Variants in NLRP3 observed in about 807,000 individuals in gnomAD.
NLRP3 encodes the protein NLR family pyrin domain containing 3, also known as NACHT, LRR and PYD domains-containing protein 3.
In NLRP3, 48 loss-of-function variants were observed where a neutral mutation model predicts 91.3. The observed-to-expected ratio is 0.53, with a 90% CI of 0.42 to 0.67. The LOEUF (loss-of-function observed/expected upper bound fraction) is 0.67. Among genes scored for constraint, NLRP3 ranks in the 30% least tolerant of loss-of-function variants. NLRP3 has a pLI of 0.00. For missense variants in NLRP3, 982 were observed against 1,276.9 expected (o/e 0.77, Z 3.52); for synonymous variants, 561 against 507.9 (o/e 1.10, Z -1.41).
chr1:247,447,942 T>C (rs751309832), intron 9 of NLRP3, among the ~76,000 whole-genome samples: 1 of 152,160 alleles, frequency 6.6e-6, no homozygotes, highest in Non-Finnish European at 1.5e-5. Flanking sequence ...TCTATACTTT[T>C]ATGTATGCTT....
chr1:247,429,437 T>C lies in NLRP3; in HGVS notation c.2151-148T>C, dbSNP rs1663147520. 9.5e-6 allele frequency: 8 copies of C among 844,756 alleles called. No homozygotes were observed. The South Asian group carries it at 1.1e-4, about 11-fold the overall frequency. The allele number at this position is 844,756 out of a possible 1,614,324, so 52.3% of individuals were successfully genotyped here. On this transcript the variant is annotated intron_variant, in intron 4 of 9. Transcript: ENST00000336119. ...AGGCTCATCCAGCCCTCTTCATTTC[T>C]CTGGGAACAATTTTTGGTTTCGTGA... is the stretch of plus-strand genomic sequence containing the variant.
At chr1:247,447,249 C>A (rs1664640166) in intron 9 of NLRP3, among the ~76,000 whole-genome samples, 1 of 152,086 alleles carries the variant, frequency 6.6e-6, no homozygotes, top group Admixed American at 6.6e-5. Context: ...AGATGGCTAC[C>A]TTCTTGTTAT....
chr1:247,429,545 G>A (rs760971467), intron 4 of NLRP3, 40 bp from the exon 5 acceptor site: 1 of 1,609,824 alleles, frequency 6.2e-7, no homozygotes, highest in Non-Finnish European at 8.5e-7. Context: ...TATTATTCGA[G>A]GCTGATTTCT....
chr1:247,422,828 A>G (rs552668026), intron 2 of NLRP3, among the ~76,000 whole-genome samples: 1 of 152,292 alleles, frequency 6.6e-6, no homozygotes, highest in African/African-American at 2.4e-5. Context: ...GGGAAGGGTG[A>G]CCTTTCTTAG....
intron 4 of NLRP3, 65 bp from the exon 5 acceptor site, chr1:247,429,520 C>A: frequency 6.3e-7 from 1 of 1,584,088 alleles, no homozygotes; most frequent in African/African-American, 1.3e-5. Flanking sequence ...ACCCCGGCCC[C>A]CAGCTCCAGT....
At chr1:247,428,765 A>G (rs1663091940) in intron 4 of NLRP3, among the ~76,000 whole-genome samples, 1 of 152,122 alleles carries the variant, frequency 6.6e-6, no homozygotes, top group African/African-American at 2.4e-5. Flanking sequence ...GGCTGCAGTG[A>G]GCTATGATCA....
intron 9 of NLRP3, 29 bp downstream of exon 9, chr1:247,444,850 G>C (rs752960682): frequency 6.2e-7 from 1 of 1,610,962 alleles, no homozygotes; most frequent in Non-Finnish European, 8.5e-7. Context: ...GATGCCCGTG[G>C]TGGGACTCTG....
chr1:247,445,204 A>AT (rs1395240709), intron 9 of NLRP3, among the ~76,000 whole-genome samples: 4 of 149,828 alleles, frequency 2.7e-5, no homozygotes, highest in South Asian at 4.3e-4. Flanking sequence ...CTGAGGATTT[A>AT]TTTTTTTTTT....
chr1:247,439,860 T>C (rs575321687), intron 7 of NLRP3, among the ~76,000 whole-genome samples: 1 of 152,382 alleles, frequency 6.6e-6, no homozygotes, highest in East Asian at 1.9e-4. Flanking sequence ...CATTTTGGGA[T>C]AACTGTTCTT....
chr1:247,424,869 G>A lies in NLRP3; in HGVS notation c.1420G>A (p.Gly474Arg). The A allele has an allele frequency of 6.2e-7, 1 of 1,608,872 alleles. No individual in the cohort carries two copies. The highest frequency in any genetic ancestry group is 1.3e-5 in the African/African-American group (1 of 75,056). Residue 474 changes from glycine (G) to arginine (R), a missense_variant, in exon 4 of 10, where the codon GGA (glycine) becomes AGA (arginine). Coordinates refer to ENST00000336119, the MANE Select transcript of NLRP3 (RefSeq NM_001243133.2). The surrounding 1 kb of genome is among the most constrained non-coding windows in gnomAD (Gnocchi z 8.1). ...GGGGCTCTGCTCTTTGGCTGCAGAT[G>A]GAATCTGGAACCAGAAAATCCTGTT... ...LWGLCSLAADGIWNQKILFEE... is the reference protein window; with the variant it reads ...LWGLCSLAADRIWNQKILFEE...
Position 247,448,557 on chromosome 1 carries a change from G to A in NLRP3, c.*53G>A, listed in dbSNP as rs1664752121. ...GTGTTCTCCGGTCCCTCCAGCTGGG[G>A]GCCCTCAGGTGGAGAGAGCTGCGAT... On this transcript the variant is annotated 3_prime_UTR_variant, in exon 10 of 10. Transcript: ENST00000336119. The A allele has an allele frequency of 9.1e-7, 1 of 1,094,726 alleles. No individual in the cohort carries two copies. Among genetic ancestry groups the A allele is most frequent in the South Asian group, 1.2e-5 (1 of 80,832 alleles). 67.8% of individuals were successfully genotyped at this position (1,094,726 alleles called of 1,614,324 possible). A position where few individuals can be genotyped will look rare whatever the true frequency, so the allele number is the denominator to read the frequency against.
At chr1:247,416,405 A>G (rs1572146157) in intron 1 of NLRP3, among the ~76,000 whole-genome samples, 1 of 151,460 alleles carries the variant, frequency 6.6e-6, no homozygotes, top group Non-Finnish European at 1.5e-5. Context: ...TGGCGGGGGG[A>G]AGCGGGGAGG....
chr1:247,428,351 G>A (rs2103126767), intron 4 of NLRP3, among the ~76,000 whole-genome samples: 1 of 152,378 alleles, frequency 6.6e-6, no homozygotes, highest in Admixed American at 6.5e-5. Context: ...TGCTTTGTAT[G>A]TTCCAGTCCC....
In NLRP3 at chr1:247,428,079, C is replaced by A. The variant is rs1247078960; in HGVS notation, c.2151-1506C>A. Among the ~76,000 whole-genome samples the A allele has an allele frequency of 4.1e-4, 60 of 145,214 alleles. 1 individual carries two copies. Among genetic ancestry groups the A allele is most frequent in the East Asian group, 1.7e-3 (8 of 4,760 alleles). ...TGAAGCCCCGGTAGGAGGCTCAGCA[C>A]CCATTTCTCTAGATAGCACCTTCCT... On this transcript the variant is annotated intron_variant, in intron 4 of 9. Coordinates refer to ENST00000336119, the MANE Select transcript of NLRP3 (RefSeq NM_001243133.2).
chr1:247,429,514 C>G, intron 4 of NLRP3, 71 bp from the exon 5 acceptor site: 7 of 1,555,080 alleles, frequency 4.5e-6, no homozygotes, highest in Non-Finnish European at 5.3e-6. Flanking sequence ...CCAGGCACCC[C>G]GGCCCCCAGC....
intron 7 of NLRP3, among the ~76,000 whole-genome samples, chr1:247,442,548 GC>G (rs1474907678): frequency 3.3e-5 from 5 of 152,242 alleles, no homozygotes; most frequent in African/African-American, 1.2e-4. Flanking sequence ...GCTCTAAAAG[GC>G]CTTTTGCTGT....
chr1:247,440,515 G>C (rs1664133593), intron 7 of NLRP3, among the ~76,000 whole-genome samples: 1 of 152,168 alleles, frequency 6.6e-6, no homozygotes, highest in Non-Finnish European at 1.5e-5. Context: ...ATCTTAGCTT[G>C]GCACACAAGG....
chr1:247,439,017 A>AATCCATCCATCCATCC (rs71568614), intron 7 of NLRP3, among the ~76,000 whole-genome samples: 2 of 13,534 alleles, frequency 1.5e-4, no homozygotes, highest in African/African-American at 4.3e-4. Flanking sequence ...TCCATCCGTC[A>AATCCATCCATCCATCC]ATCCATCCAT....
At chr1:247,440,161 G>A (rs4925659) in intron 7 of NLRP3, among the ~76,000 whole-genome samples, 51,264 of 151,956 alleles carry the variant, frequency 0.34, 9,817 homozygotes, top group East Asian at 0.52. Context: ...TTTTTCTCTC[G>A]AACTTTGGGT....
Sources: gnomAD v4.1 joint callset for allele counts (sites outside exome capture counted in the v4.1 genomes callset) on GRCh38, gnomAD v4.1.1 for gene constraint, Gnocchi (gnomAD v3.1) non-coding constraint, MANE v1.5 for transcripts, NCBI Gene and HGNC (gene_info 2026-07-23, HGNC 2026-07-21) for gene names.